ME2: variants seen among roughly 807,000 people sequenced by gnomAD.
ME2 encodes malic enzyme 2.
A neutral mutation model predicts 73.7 loss-of-function variants in ME2; 60 were observed. That is an observed-to-expected ratio of 0.81 (90% CI 0.66 to 1.01). The LOEUF is 1.01. ME2 is among the 50% of genes least tolerant of loss of function. The pLI is 0.00. For missense variants in ME2, 594 were observed against 705.5 expected, an observed-to-expected ratio of 0.84 and a Z score of 1.79; for synonymous variants, 199 against 236.9, an observed-to-expected ratio of 0.84 and a Z score of 1.47.
Position 50,947,903 on chromosome 18 carries a change from T to C in ME2, c.*719T>C, listed in dbSNP as rs972589350. ...ATCTTACATTTAATTGCTTCAGTTA[T>C]GCTATCTTATTGCCCAACTAGAAAT... On this transcript the variant is annotated 3_prime_UTR_variant, in exon 16 of 16. Coordinates refer to ENST00000321341, the MANE Select transcript of ME2 (RefSeq NM_002396.5). 1 of 152,214 alleles carries C rather than the reference T, an allele frequency of 6.6e-6. No homozygotes were observed. Among genetic ancestry groups the C allele is most frequent in the Non-Finnish European group, 1.5e-5 (1 of 68,036 alleles). 9.4% of individuals were successfully genotyped at this position (152,214 alleles called of 1,614,324 possible).
At chr18:50,885,076 G>A (rs367736212) in intron 1 of ME2, among the ~76,000 whole-genome samples, 86 of 151,786 alleles carry the variant, frequency 5.7e-4, no homozygotes, top group African/African-American at 1.7e-3. Flanking sequence ...GTCTGATCCC[G>A]AACTCCTGGT....
chr18:50,915,891 A>G (rs920051233), intron 4 of ME2: 31 of 241,644 alleles, frequency 1.3e-4, no homozygotes, highest in Non-Finnish European at 2.1e-4. Context: ...CTGGTGGTGT[A>G]TTGAGTTTAT....
rs149026747 is a variant in ME2 at position 50,888,244 on chromosome 18, C to T, written c.-12-7565C>T. Among the ~76,000 whole-genome samples the T allele has an allele frequency of 9.2e-4, 140 of 151,798 alleles. 1 individual carries two copies. The highest frequency in any genetic ancestry group is 1.6e-3 in the Non-Finnish European group (108 of 67,978). On this transcript the variant is annotated intron_variant, in intron 1 of 15. Coordinates refer to ENST00000321341, the MANE Select transcript of ME2 (RefSeq NM_002396.5). ...CCTGTCATCCCAGCTACTTGAGAGG[C>T]TGAGGTGGGAGGATTGCTTGAGCCC...
chr18:50,917,966 T>C (rs1209174559), intron 6 of ME2, 144 bp from the exon 7 acceptor site: 2 of 489,364 alleles, frequency 4.1e-6, no homozygotes, highest in East Asian at 3.4e-5. Context: ...AGTGAGACTG[T>C]CTCAAAAAAG....
chr18:50,935,623 A>G (rs1372373451), intron 13 of ME2: 1 of 151,518 alleles, frequency 6.6e-6, no homozygotes, highest in Non-Finnish European at 1.5e-5. Context: ...ATAGTGGCAT[A>G]TGCCTGTAGT....
At position 50,939,564 on chromosome 18, in the gene ME2, T is replaced by C. The variant is rs756791853; in HGVS notation, c.1418-6T>C. The C allele has an allele frequency of 6.2e-7, 1 of 1,603,024 alleles. No homozygotes were observed. The highest frequency in any genetic ancestry group is 2.2e-5 in the East Asian group (1 of 44,762). ...CCATACTAGTAAACTTTAAAATGTG[T>C]TCTAGGTGTGGCTTTAGCTGTTATT... is the stretch of plus-strand genomic sequence containing the variant. On this transcript the variant is annotated splice_region_variant and splice_polypyrimidine_tract_variant and intron_variant, in intron 13 of 15. Transcript: ENST00000321341.
chr18:50,887,234 A>G (rs960640847), intron 1 of ME2, among the ~76,000 whole-genome samples: 8 of 152,212 alleles, frequency 5.3e-5, no homozygotes, highest in African/African-American at 9.6e-5. Flanking sequence ...TTCTTGCTCT[A>G]AAAACACAGA....
chr18:50,938,889 A>C (rs1297748121), intron 13 of ME2, among the ~76,000 whole-genome samples: 1 of 152,218 alleles, frequency 6.6e-6, no homozygotes, highest in Non-Finnish European at 1.5e-5. Flanking sequence ...TAAATACTAA[A>C]AAATCAAAGT....
intron 13 of ME2, chr18:50,933,951 A>G (rs1387107480): frequency 6.6e-6 from 1 of 152,188 alleles, no homozygotes; most frequent in Non-Finnish European, 1.5e-5. Context: ...CACTTAGGAT[A>G]ATAGCCTCCA....
chr18:50,926,353 C>T (rs568222629), intron 12 of ME2, among the ~76,000 whole-genome samples: 8 of 152,280 alleles, frequency 5.3e-5, no homozygotes, highest in South Asian at 2.1e-4. Context: ...TCTGCATAGA[C>T]GTAAAAGTTG....
intron 3 of ME2, among the ~76,000 whole-genome samples, chr18:50,908,842 T>C (rs1179960516): frequency 6.6e-6 from 1 of 152,146 alleles, no homozygotes; most frequent in Non-Finnish European, 1.5e-5. Context: ...AGTTTCACCA[T>C]GTTGGCCAGG....
In ME2 at chr18:50,940,199, C is replaced by G. The variant is rs560674535; in HGVS notation, c.1489-89C>G. On this transcript the variant is annotated intron_variant, in intron 14 of 15. Transcript: ENST00000321341. ...AAGAGGAATTATATTACCTGTTTTA[C>G]TCTCTGTTTCCCCAATGCTTTTTCC... The G allele has an allele frequency of 1.4e-5, 12 of 843,744 alleles. No individual in the cohort carries two copies. The African/African-American group carries it at 1.9e-4, about 13-fold the overall frequency. The allele number at this position is 843,744 out of a possible 1,614,324, so 52.3% of individuals were successfully genotyped here.
intron 1 of ME2, among the ~76,000 whole-genome samples, chr18:50,881,907 C>T (rs1201205577): frequency 6.6e-6 from 1 of 152,190 alleles, no homozygotes; most frequent in African/African-American, 2.4e-5. Context: ...TGTAGTTTAA[C>T]GTTCCCATTT....
Position 50,950,620 on chromosome 18 carries a change from GA to G in ME2, c.*3437del, listed in dbSNP as rs1918205441. The G allele has an allele frequency of 1.3e-5, 2 of 151,694 alleles. No individual in the cohort carries two copies. Among genetic ancestry groups the G allele is most frequent in the Admixed American group, 1.3e-4 (2 of 15,196 alleles). The allele number at this position is 151,694 out of a possible 1,614,324, so 9.4% of individuals were successfully genotyped here. A position where few individuals can be genotyped will look rare whatever the true frequency, so the allele number is the denominator to read the frequency against. On this transcript the variant is annotated 3_prime_UTR_variant, in exon 16 of 16. Coordinates refer to ENST00000321341, the MANE Select transcript of ME2 (RefSeq NM_002396.5). ...CCGCCTCAGCCTCCTGAGTAGCTGG[GA>G]CTATAGGCGCAAGTCTATGCAACCA...
rs1165188054 is a variant in ME2, at chr18:50,947,362, A to C, written c.*178A>C. ...TGGGGTAGACGTGTTGATTGATTGC[A>C]TTGCCCACCAGCACCCTACAGTCAG... is the stretch of plus-strand genomic sequence containing the variant. On this transcript the variant is annotated 3_prime_UTR_variant, in exon 16 of 16. Transcript: ENST00000321341. 5 of 594,796 alleles carry C rather than the reference A, an allele frequency of 8.4e-6. No homozygotes were observed. 36.8% of individuals were successfully genotyped at this position (594,796 alleles called of 1,614,324 possible).
intron 3 of ME2, among the ~76,000 whole-genome samples, chr18:50,911,598 G>C (rs1219558354): frequency 6.6e-6 from 1 of 152,108 alleles, no homozygotes; most frequent in Non-Finnish European, 1.5e-5. Flanking sequence ...GGACAGAAAA[G>C]GGCCCCCAGA....
chr18:50,906,964 A>C (rs993319713), intron 2 of ME2, among the ~76,000 whole-genome samples: 1 of 152,068 alleles, frequency 6.6e-6, no homozygotes, highest in Non-Finnish European at 1.5e-5. Context: ...CTCCAACCCC[A>C]TGGTCATCTC....
intron 11 of ME2, among the ~76,000 whole-genome samples, chr18:50,925,469 ACT>A (rs139240901): frequency 0.02 from 3,027 of 152,236 alleles, 47 homozygotes; most frequent in African/African-American, 0.04. Flanking sequence ...ACAGAGCGAG[ACT>A]CTGTCTCAAA....
intron 1 of ME2, among the ~76,000 whole-genome samples, chr18:50,880,141 G>C (rs139866875): frequency 6.6e-6 from 1 of 152,150 alleles, no homozygotes; most frequent in African/African-American, 2.4e-5. Flanking sequence ...GATAACAATA[G>C]TAGCATGTAT....
Sources: gnomAD v4.1 joint callset for allele counts (sites outside exome capture counted in the v4.1 genomes callset) on GRCh38, gnomAD v4.1.1 for gene constraint, MANE v1.5 for transcripts, NCBI Gene and HGNC (gene_info 2026-07-23, HGNC 2026-07-21) for gene names.